The following THADA variants were observed in gnomAD, a reference collection of about 807,000 sequenced individuals.
THADA encodes the protein THADA armadillo repeat containing.
THADA carries 213 observed loss-of-function variants against 219.8 expected under a neutral mutation model. The observed-to-expected ratio is 0.97, with a 90% CI of 0.87 to 1.09. The LOEUF (loss-of-function observed/expected upper bound fraction) is 1.09, where lower values mean the gene tolerates loss of function less well. Ranked by LOEUF, THADA falls within the 50% of genes least tolerant of loss-of-function variation. The probability of loss-of-function intolerance (pLI) is 0.00; values close to 1 mark genes in which losing one functional copy is unlikely to be tolerated. For missense variants in THADA, 2,956 were observed against 2,311.3 expected, an observed-to-expected ratio of 1.28 and a Z score of -5.72; for synonymous variants, 1,018 against 828.9, an observed-to-expected ratio of 1.23 and a Z score of -3.92.
intron 33 of THADA, 29 bp from the exon 34 acceptor site, chr2:43,291,797 C>A: frequency 2.0e-6 from 3 of 1,519,766 alleles, no homozygotes; most frequent in African/African-American, 1.4e-5. Context: ...AAAAAAACAA[C>A]ACAAAATTAC....
chr2:43,423,675 G>A (rs1425464054), intron 28 of THADA, among the ~76,000 whole-genome samples: 9 of 152,044 alleles, frequency 5.9e-5, no homozygotes, highest in African/African-American at 1.9e-4. Context: ...TTGGTGATCC[G>A]CCCGCCTCGG....
intron 26 of THADA, among the ~76,000 whole-genome samples, chr2:43,438,045 T>TAATCCCAGCACTTTGGGAGGCAGAGA (rs1680344323): frequency 1.3e-5 from 2 of 152,066 alleles, no homozygotes; most frequent in Non-Finnish European, 2.9e-5. Context: ...CTCACGCCTG[T>TAATCCCAGCACTTTGGGAGGCAGAGA]AATCCCAGCA....
Position 43,379,757 on chromosome 2 carries a change from T to A in THADA, c.4227+18214A>T, listed in dbSNP as rs1183036422. Among the ~76,000 whole-genome samples the A allele has an allele frequency of 2.0e-5, 3 of 152,230 alleles. No individual in the cohort carries two copies. In the East Asian group the frequency reaches 5.8e-4, roughly 29 times the overall value. On this transcript the variant is annotated intron_variant, in intron 29 of 37. Transcript: ENST00000405975. ...CAACTTACAAATATGTATAGTACCT[T>A]TGTTCATAACTGCCCCAAAGTGGAA...
intron 34 of THADA, among the ~76,000 whole-genome samples, chr2:43,289,370 C>T (rs1483083630): frequency 6.6e-6 from 1 of 152,194 alleles, no homozygotes; most frequent in Non-Finnish European, 1.5e-5. Context: ...CATCTATGGG[C>T]ATCTACGCAA....
chr2:43,382,048 T>C (rs1490344160), intron 29 of THADA, among the ~76,000 whole-genome samples: 1 of 152,182 alleles, frequency 6.6e-6, no homozygotes, highest in Non-Finnish European at 1.5e-5. Flanking sequence ...TTCTACAAAA[T>C]ATCTGACCAG....
chr2:43,402,523 C>A (rs774453363), intron 28 of THADA, among the ~76,000 whole-genome samples: 1 of 152,266 alleles, frequency 6.6e-6, no homozygotes, highest in Non-Finnish European at 1.5e-5. Flanking sequence ...TAAGTGTTCT[C>A]CTCTCATATC....
intron 1 of THADA, 67 bp from the exon 2 acceptor site, chr2:43,592,483 T>C (rs1379770401): frequency 1.0e-6 from 1 of 960,688 alleles, no homozygotes; most frequent in Non-Finnish European, 1.6e-6. Flanking sequence ...GATTTTTGGC[T>C]GGGTTCATTC....
At chr2:43,398,206 T>C in intron 28 of THADA, 67 bp from the exon 29 acceptor site, 4 of 1,521,552 alleles carry the variant, frequency 2.6e-6, no homozygotes, top group Admixed American at 3.4e-5. Flanking sequence ...TGTATATACT[T>C]ACATTCTATC....
Position 43,364,077 on chromosome 2 carries a change from A to G in THADA, c.4228-19840T>C, listed in dbSNP as rs1159281192. On this transcript the variant is annotated intron_variant, in intron 29 of 37. Coordinates refer to ENST00000405975, the MANE Select transcript of THADA (RefSeq NM_022065.5). The stretch of plus-strand genomic sequence containing the variant: ...TTATCTACCAAAATTACAAAAAATT[A>G]TATGGGTGTGACGGTGTGCACCTTT... Among the ~76,000 whole-genome samples, 3 of 151,988 alleles carry G rather than the reference A, an allele frequency of 2.0e-5. No individual in the cohort carries two copies. In the East Asian group the frequency reaches 5.8e-4, roughly 30 times the overall value.
intron 35 of THADA, among the ~76,000 whole-genome samples, chr2:43,284,999 A>G (rs1673815678): frequency 6.6e-6 from 1 of 152,188 alleles, no homozygotes; most frequent in Non-Finnish European, 1.5e-5. Flanking sequence ...CCCATTTGGA[A>G]TGGGAGCATT....
chr2:43,567,401 G>C (rs1174818007), intron 14 of THADA, among the ~76,000 whole-genome samples: 1 of 152,010 alleles, frequency 6.6e-6, no homozygotes, highest in Non-Finnish European at 1.5e-5. Context: ...AGGCCGAGGT[G>C]GGCAGATCAC....
chr2:43,567,178 G>A (rs1434687479), intron 14 of THADA, among the ~76,000 whole-genome samples: 5 of 151,676 alleles, frequency 3.3e-5, no homozygotes, highest in African/African-American at 1.2e-4. Flanking sequence ...TTTCTCAGGT[G>A]AAGGACATGC....
intron 18 of THADA, 129 bp from the exon 19 acceptor site, chr2:43,552,054 T>C (rs757731915): frequency 7.8e-6 from 12 of 1,530,806 alleles, no homozygotes; most frequent in Non-Finnish European, 9.6e-6. Flanking sequence ...GACATAAAAA[T>C]ATACACAGAT....
chr2:43,543,328 T>C (rs1695574391), intron 20 of THADA, among the ~76,000 whole-genome samples: 1 of 147,208 alleles, frequency 6.8e-6, no homozygotes, highest in Non-Finnish European at 1.5e-5. Flanking sequence ...AGTGCCGCAA[T>C]AAACATACAT....
intron 32 of THADA, 63 bp from the exon 33 acceptor site, chr2:43,292,285 G>A: frequency 1.9e-6 from 2 of 1,049,186 alleles, no homozygotes; most frequent in Non-Finnish European, 2.7e-6. Flanking sequence ...GTCTCTAGAT[G>A]TTACATGATA....
intron 28 of THADA, among the ~76,000 whole-genome samples, chr2:43,415,414 G>A (rs1335140927): frequency 6.6e-6 from 1 of 152,028 alleles, no homozygotes; most frequent in Non-Finnish European, 1.5e-5. Flanking sequence ...TCATTCCTAG[G>A]GAAAAAGGGA....
At chr2:43,549,104 G>C (rs1696440481) in intron 20 of THADA, 106 bp downstream of exon 20, 6 of 1,036,976 alleles carry the variant, frequency 5.8e-6, no homozygotes, top group African/African-American at 1.7e-5. Context: ...TTCTAGAAAT[G>C]TTCTGCACAG....
chr2:43,556,435 G>C lies in THADA; in HGVS notation c.2584C>G (p.Pro862Ala), dbSNP rs1558965590. The change falls in exon 17 of 38, where the codon CCG (proline) becomes GCG (alanine). Residue 862 changes from proline to alanine, a missense_variant. Coordinates refer to ENST00000405975, the MANE Select transcript of THADA (RefSeq NM_022065.5). The stretch of plus-strand genomic sequence containing the variant: ...GTTAAGTAGGCAGACAAGGATGACG[G>C]TAGAGCATCCTGCCAGATTAAGAAG... ...LNFLIWQDALPSSLSAYLTQQ... is the reference protein window; with the variant it reads ...LNFLIWQDALASSLSAYLTQQ... 6.2e-7 allele frequency: 1 copy of C among 1,613,816 alleles called. No individual in the cohort carries two copies. Among genetic ancestry groups the C allele is most frequent in the Admixed American group, 1.7e-5 (1 of 60,000 alleles).
chr2:43,278,019 C>T (rs948529461), intron 36 of THADA, among the ~76,000 whole-genome samples: 1 of 148,942 alleles, frequency 6.7e-6, no homozygotes, highest in Non-Finnish European at 1.5e-5. Context: ...GGCACTATCT[C>T]AGCTCACTGC....
Sources: gnomAD v4.1 joint callset for allele counts (sites outside exome capture counted in the v4.1 genomes callset) on GRCh38, gnomAD v4.1.1 for gene constraint, MANE v1.5 for transcripts, NCBI Gene and HGNC (gene_info 2026-07-23, HGNC 2026-07-21) for gene names.